Variants in ADAMTS17 observed in about 807,000 individuals in gnomAD.
ADAMTS17 encodes A disintegrin and metalloproteinase with thrombospondin motifs 17.
A neutral mutation model predicts 141.5 loss-of-function variants in ADAMTS17; 113 were observed. The ratio of observed to expected loss-of-function variants is 0.80; its 90% CI spans 0.69 to 0.93. The LOEUF is 0.93. Among genes scored for constraint, ADAMTS17 ranks in the 40% least tolerant of loss-of-function variants. The pLI is 0.00. For synonymous variants in ADAMTS17, 768 were observed against 630.6 expected (o/e 1.22, Z -3.27); for missense variants, 1,659 against 1,517.9 (o/e 1.09, Z -1.54).
chr15:100,226,487 C>T (rs1261595029), intron 7 of ADAMTS17, among the ~76,000 whole-genome samples: 4 of 152,224 alleles, frequency 2.6e-5, no homozygotes, highest in African/African-American at 7.2e-5. Flanking sequence ...ATCCAGACCA[C>T]GAAGTGAAGA....
intron 18 of ADAMTS17, among the ~76,000 whole-genome samples, chr15:100,022,302 C>T (rs1309046274): frequency 6.6e-6 from 1 of 152,188 alleles, no homozygotes; most frequent in Non-Finnish European, 1.5e-5. Context: ...GCCACAGCCC[C>T]CACCTCCTCC....
chr15:100,320,307 G>T (rs758841172), intron 3 of ADAMTS17, among the ~76,000 whole-genome samples: 7 of 152,150 alleles, frequency 4.6e-5, no homozygotes, highest in African/African-American at 7.2e-5. Flanking sequence ...GAGGGAGGCT[G>T]GGAAAATCAC....
chr15:100,039,023 C>G (rs2031011585), intron 18 of ADAMTS17, among the ~76,000 whole-genome samples: 1 of 152,196 alleles, frequency 6.6e-6, no homozygotes, highest in African/African-American at 2.4e-5. Context: ...TGTAAGTTAT[C>G]TAACTTAGGG....
chr15:100,280,601 C>T (rs1470642631), intron 4 of ADAMTS17, among the ~76,000 whole-genome samples: 2 of 152,184 alleles, frequency 1.3e-5, no homozygotes, highest in African/African-American at 2.4e-5. Flanking sequence ...ACAACTTCCA[C>T]ACCCTTATGG....
At chr15:100,316,478 C>A (rs2045570081) in intron 3 of ADAMTS17, among the ~76,000 whole-genome samples, 1 of 152,164 alleles carries the variant, frequency 6.6e-6, no homozygotes, top group Admixed American at 6.5e-5. Flanking sequence ...CCATTGCCTG[C>A]AGCAACAATC....
chr15:100,240,319 C>A (rs2042791824), intron 7 of ADAMTS17, among the ~76,000 whole-genome samples: 1 of 152,186 alleles, frequency 6.6e-6, no homozygotes, highest in Non-Finnish European at 1.5e-5. Context: ...CCTCCTCAGC[C>A]CCAGATGCCT....
chr15:100,122,808 T>A (rs1292313449), intron 12 of ADAMTS17, among the ~76,000 whole-genome samples: 1 of 152,062 alleles, frequency 6.6e-6, no homozygotes, highest in African/African-American at 2.4e-5. Context: ...ATCTTCACAT[T>A]GAGTTGGCTG....
intron 15 of ADAMTS17, among the ~76,000 whole-genome samples, chr15:100,076,753 C>G (rs946796887): frequency 7.2e-5 from 11 of 152,132 alleles, no homozygotes; most frequent in Admixed American, 1.3e-4. Context: ...CTTGAGTATA[C>G]TTTCTCACTG....
chr15:100,069,152 G>C (rs1424560575), intron 15 of ADAMTS17, among the ~76,000 whole-genome samples: 1 of 152,160 alleles, frequency 6.6e-6, no homozygotes, highest in East Asian at 1.9e-4. Flanking sequence ...AGCAATGGAA[G>C]ATGAAATGAA....
chr15:100,333,160 G>C (rs998501412), intron 2 of ADAMTS17, among the ~76,000 whole-genome samples: 1 of 151,990 alleles, frequency 6.6e-6, no homozygotes, highest in Non-Finnish European at 1.5e-5. Context: ...GCAGCCCCCT[G>C]CACTCTTACA....
chr15:100,023,203 A>C (rs1226930896), intron 18 of ADAMTS17, among the ~76,000 whole-genome samples: 1 of 151,762 alleles, frequency 6.6e-6, no homozygotes, highest in African/African-American at 2.4e-5. Flanking sequence ...AAAATAAAAA[A>C]ATTTTTTTTT....
intron 6 of ADAMTS17, among the ~76,000 whole-genome samples, 172 bp from the exon 7 acceptor site, chr15:100,254,351 T>C (rs1421375307): frequency 1.3e-5 from 2 of 152,196 alleles, no homozygotes; most frequent in Non-Finnish European, 2.9e-5. Context: ...TCCATCCACA[T>C]TTCCCGGGGT....
At chr15:100,012,575 G>A (rs1456807910) in intron 18 of ADAMTS17, among the ~76,000 whole-genome samples, 1 of 152,162 alleles carries the variant, frequency 6.6e-6, no homozygotes, top group Non-Finnish European at 1.5e-5. Flanking sequence ...GGTGAGAGAT[G>A]AAGATCCAGT....
chr15:100,274,800 A>G (rs902810292), intron 4 of ADAMTS17, among the ~76,000 whole-genome samples: 1 of 151,834 alleles, frequency 6.6e-6, no homozygotes, highest in African/African-American at 2.4e-5. Context: ...ATTTTCTTTT[A>G]TATGTATACA....
chr15:100,165,602 T>C (rs946694399), intron 8 of ADAMTS17, among the ~76,000 whole-genome samples: 1 of 152,198 alleles, frequency 6.6e-6, no homozygotes, highest in African/African-American at 2.4e-5. Context: ...GAGTTAAAGA[T>C]TTGAAATATT....
intron 18 of ADAMTS17, among the ~76,000 whole-genome samples, chr15:100,035,255 C>T (rs1370855235): frequency 1.3e-5 from 2 of 152,274 alleles, no homozygotes; most frequent in South Asian, 2.1e-4. Flanking sequence ...ATGAATCCAG[C>T]CTATGTGAGG....
rs1280687996 is a variant in ADAMTS17, at chr15:100,281,506, C to T, written c.617-105G>A. 23 of 1,450,020 alleles carry T rather than the reference C, an allele frequency of 1.6e-5. No homozygotes were observed. In the Admixed American group the frequency reaches 3.5e-4, roughly 22 times the overall value. The allele number at this position is 1,450,020 out of a possible 1,614,324, so 89.8% of individuals were successfully genotyped here. On this transcript the variant is annotated intron_variant, in intron 3 of 21. Transcript: ENST00000268070. ...GCCTGCCCGAGAGAGTGGTCAGTCTCGACAGGCCTAGAGGGGCCCAGCACC... is the reference window on the plus strand; with the variant it reads ...GCCTGCCCGAGAGAGTGGTCAGTCTTGACAGGCCTAGAGGGGCCCAGCACC...
intron 3 of ADAMTS17, among the ~76,000 whole-genome samples, chr15:100,283,342 C>T (rs553335450): frequency 5.9e-5 from 9 of 152,256 alleles, no homozygotes; most frequent in African/African-American, 1.4e-4. Flanking sequence ...GGAAAGAGGC[C>T]GCTGGTGGAA....
At chr15:100,325,290 C>T (rs956528362) in intron 3 of ADAMTS17, among the ~76,000 whole-genome samples, 7 of 152,210 alleles carry the variant, frequency 4.6e-5, no homozygotes, top group Admixed American at 1.3e-4. Context: ...TGTTGAAGTC[C>T]TAACCCCCAG....
Sources: gnomAD v4.1 joint callset for allele counts (sites outside exome capture counted in the v4.1 genomes callset) on GRCh38, gnomAD v4.1.1 for gene constraint, MANE v1.5 for transcripts, NCBI Gene and HGNC (gene_info 2026-07-23, HGNC 2026-07-21) for gene names.